BACE2: variants seen among roughly 807,000 people sequenced by gnomAD.
BACE2 encodes beta-secretase 2.
BACE2 carries 17 observed loss-of-function variants against 46.2 expected under a neutral mutation model. That is an observed-to-expected ratio of 0.37 (90% confidence interval 0.25 to 0.55). The LOEUF is 0.55. BACE2 is among the 20% of genes least tolerant of loss of function. The pLI, the probability that BACE2 is intolerant of heterozygous loss-of-function variation, is 0.82. For synonymous variants in BACE2, 277 were observed against 295.9 expected, an observed-to-expected ratio of 0.94 and a Z score of 0.66; for missense variants, 595 against 698.1, an observed-to-expected ratio of 0.85 and a Z score of 1.66.
intron 1 of BACE2, chr21:41,179,376 G>A (rs112716037): frequency 4.5e-5 from 59 of 1,323,884 alleles, no homozygotes; most frequent in Non-Finnish European, 5.4e-5. Context: ...AGGGTGAGGA[G>A]TGAGGGTATC....
chr21:41,255,177 T>G (rs1366901677), intron 7 of BACE2, among the ~76,000 whole-genome samples: 1 of 152,096 alleles, frequency 6.6e-6, no homozygotes, highest in African/African-American at 2.4e-5. Context: ...CAGCCAGCAT[T>G]CAGGTTTTAC....
rs111307227 is a variant in BACE2, at chr21:41,220,948, A to G, written c.313-5318A>G. 7.2e-3 allele frequency among the ~76,000 whole-genome samples: 1,087 copies of G among 151,622 alleles called. 14 individuals are homozygous for G. Among genetic ancestry groups the G allele is most frequent in the South Asian group, 0.037 (176 of 4,800 alleles). On this transcript the variant is annotated intron_variant, in intron 1 of 8. Transcript: ENST00000330333. ...GGTGACTCATGCCTGTAATCCCAGCACTTTGGGAGGCTGAGGCGGGTGGAT... is the reference window on the plus strand; with the variant it reads ...GGTGACTCATGCCTGTAATCCCAGCGCTTTGGGAGGCTGAGGCGGGTGGAT...
chr21:41,234,466 A>G (rs11910228), intron 2 of BACE2, among the ~76,000 whole-genome samples: 12,211 of 152,198 alleles, frequency 0.08, 1,656 homozygotes, highest in African/African-American at 0.28. Context: ...TTACTTACAC[A>G]TTGTCTGTGG....
chr21:41,267,291 G>A (rs2088387674), intron 8 of BACE2, among the ~76,000 whole-genome samples: 1 of 152,104 alleles, frequency 6.6e-6, no homozygotes, highest in African/African-American at 2.4e-5. Context: ...TTATGGCTCG[G>A]GCCAGCGTCT....
intron 6 of BACE2, 151 bp from the exon 7 acceptor site, chr21:41,250,601 T>C: frequency 2.9e-6 from 2 of 683,136 alleles, no homozygotes; most frequent in East Asian, 2.6e-5. Flanking sequence ...ACCGTCACTC[T>C]TCCAGGGGAC....
chr21:41,192,578 G>T (rs1179924675), intron 1 of BACE2, among the ~76,000 whole-genome samples: 1 of 152,204 alleles, frequency 6.6e-6, no homozygotes, highest in African/African-American at 2.4e-5. Context: ...GCAGGGCCTT[G>T]CTCCAATATT....
chr21:41,216,593 G>A (rs1267797786), intron 1 of BACE2, among the ~76,000 whole-genome samples: 1 of 152,236 alleles, frequency 6.6e-6, no homozygotes, highest in Non-Finnish European at 1.5e-5. Context: ...CCGGGTCTGG[G>A]CGTGTGAGAA....
chr21:41,263,700 C>T (rs1057204279), intron 8 of BACE2, among the ~76,000 whole-genome samples: 1 of 152,210 alleles, frequency 6.6e-6, no homozygotes, highest in Non-Finnish European at 1.5e-5. Context: ...CCTAGTTGGT[C>T]TTAACTGTTG....
intron 8 of BACE2, among the ~76,000 whole-genome samples, chr21:41,270,228 A>G (rs2088421094): frequency 6.6e-6 from 1 of 152,176 alleles, no homozygotes; most frequent in South Asian, 2.1e-4. Flanking sequence ...ATATATGAAG[A>G]ATACAAGTCC....
chr21:41,224,376 G>A (rs1190939616), intron 1 of BACE2, among the ~76,000 whole-genome samples: 5 of 151,824 alleles, frequency 3.3e-5, no homozygotes, highest in African/African-American at 7.3e-5. Flanking sequence ...CACCACGTCC[G>A]GCTAATTTTT....
In BACE2 at chr21:41,221,621, C is replaced by G. The variant is rs146525431; in HGVS notation, c.313-4645C>G. 7.2e-3 allele frequency among the ~76,000 whole-genome samples: 1,102 copies of G among 152,112 alleles called. 12 individuals carry two copies. The highest frequency in any genetic ancestry group is 0.025 in the African/African-American group (1,027 of 41,504). On this transcript the variant is annotated intron_variant, in intron 1 of 8. Transcript: ENST00000330333. ...AGGGTGGATCACGAGGTCAGGAGAT[C>G]GAGACCATCCTGGCTAACACGGTGA...
chr21:41,206,219 CT>C (rs1364408076), intron 1 of BACE2, among the ~76,000 whole-genome samples: 2 of 152,220 alleles, frequency 1.3e-5, no homozygotes, highest in Admixed American at 1.3e-4. Flanking sequence ...GGGCCACCTT[CT>C]GGGCTGCAGA....
At chr21:41,210,591 G>A (rs529234418) in intron 1 of BACE2, among the ~76,000 whole-genome samples, 13 of 152,260 alleles carry the variant, frequency 8.5e-5, no homozygotes, top group African/African-American at 2.4e-4. Context: ...GCCCACAGAC[G>A]CAGACTGACC....
intron 8 of BACE2, among the ~76,000 whole-genome samples, chr21:41,273,374 T>G (rs982043302): frequency 6.6e-6 from 1 of 152,214 alleles, no homozygotes; most frequent in Non-Finnish European, 1.5e-5. Context: ...ATTTCATCCC[T>G]TATCGGCAAC....
intron 1 of BACE2, chr21:41,225,363 A>G (rs1986783668): frequency 6.6e-6 from 1 of 152,206 alleles, no homozygotes; most frequent in East Asian, 1.9e-4. Context: ...TATTCATAGT[A>G]GCCTCAAAAT....
chr21:41,199,680 AC>A (rs1203625520), intron 1 of BACE2, among the ~76,000 whole-genome samples: 1 of 152,052 alleles, frequency 6.6e-6, no homozygotes, highest in African/African-American at 2.4e-5. Context: ...CACGCTTCCT[AC>A]TTGTTCTAGC....
intron 7 of BACE2, among the ~76,000 whole-genome samples, chr21:41,251,252 G>A (rs1364451232): frequency 1.3e-5 from 2 of 152,188 alleles, no homozygotes; most frequent in African/African-American, 4.8e-5. Context: ...ACAGGGACCT[G>A]GGAGAGAGAA....
At chr21:41,246,114 C>G in intron 6 of BACE2, 51 bp downstream of exon 6, 2 of 1,441,208 alleles carry the variant, frequency 1.4e-6, no homozygotes, top group Middle Eastern at 1.7e-4. Flanking sequence ...TTACAGTCAC[C>G]TGCTGAGGAG....
rs1416329278 is a variant in BACE2 at position 41,250,755 on chromosome 21, C to G, written c.988C>G (p.Pro330Ala). Residue 330 changes from proline (P) to alanine (A), a missense_variant, in exon 7 of 9, where the codon CCA becomes GCA. Around this residue, in one of 3 missense-constraint regions of BACE2, gnomAD observed 343 missense variants for 419.4 expected, o/e 0.82. Transcript: ENST00000330333. ...VEAVARASLI[P>A]EFSDGFWTGS... ...GATGTGATCTTGTTTTGTCTAGATT[C>G]CAGAATTCTCTGATGGTTTCTGGAC... 6.2e-7 allele frequency: 1 copy of G among 1,613,944 alleles called. No homozygotes were observed. Among genetic ancestry groups the G allele is most frequent in the Non-Finnish European group, 8.5e-7 (1 of 1,179,960 alleles).
Sources: gnomAD v4.1 joint callset for allele counts (sites outside exome capture counted in the v4.1 genomes callset) on GRCh38, gnomAD v4.1.1 for gene constraint, gnomAD v4.1.1 regional missense constraint, MANE v1.5 for transcripts, NCBI Gene and HGNC (gene_info 2026-07-23, HGNC 2026-07-21) for gene names.